The following ESRP1 variants were observed in gnomAD, a reference collection of about 807,000 sequenced individuals.
The protein encoded by ESRP1 is epithelial splicing regulatory protein 1.
A neutral mutation model predicts 81.7 loss-of-function variants in ESRP1; 33 were observed. That is an observed-to-expected ratio of 0.40 (90% CI 0.31 to 0.54). The LOEUF (loss-of-function observed/expected upper bound fraction) is 0.54, where lower values mean the gene tolerates loss of function less well. Among genes scored for constraint, ESRP1 ranks in the 20% least tolerant of loss-of-function variants. The pLI is 0.41. For synonymous variants in ESRP1, 320 were observed against 303.3 expected (o/e 1.06, Z -0.57); for missense variants, 672 against 833.1 (o/e 0.81, Z 2.38).
chr8:94,647,513 C>A (rs1231600684), intron 4 of ESRP1, among the ~76,000 whole-genome samples: 5 of 152,174 alleles, frequency 3.3e-5, no homozygotes, highest in Admixed American at 6.6e-5. Flanking sequence ...GGTGATGGCT[C>A]TTCCTGGCTT....
At chr8:94,696,427 T>C (rs1239193192) in intron 14 of ESRP1, among the ~76,000 whole-genome samples, 2 of 152,236 alleles carry the variant, frequency 1.3e-5, no homozygotes, top group Non-Finnish European at 2.9e-5. Context: ...TACAAATACA[T>C]CTAACACTAT....
intron 4 of ESRP1, among the ~76,000 whole-genome samples, chr8:94,660,355 C>T (rs138495549): frequency 3.9e-5 from 6 of 152,230 alleles, no homozygotes; most frequent in African/African-American, 1.4e-4. Flanking sequence ...TAATCCCAGC[C>T]CTTGGGCAGG....
intron 12 of ESRP1, among the ~76,000 whole-genome samples, chr8:94,676,645 G>A (rs1808649262): frequency 6.6e-6 from 1 of 151,762 alleles, no homozygotes; most frequent in Non-Finnish European, 1.5e-5. Flanking sequence ...GACTACAGGA[G>A]TGTGCCACCA....
At chr8:94,662,419 T>A (rs1003073319) in intron 5 of ESRP1, 49 bp downstream of exon 5, 2 of 1,533,152 alleles carry the variant, frequency 1.3e-6, no homozygotes, top group African/African-American at 2.7e-5. Context: ...ATACTATTTT[T>A]CTCTTACCTA....
chr8:94,672,852 C>T (rs1307919386), intron 11 of ESRP1, among the ~76,000 whole-genome samples: 1 of 152,220 alleles, frequency 6.6e-6, no homozygotes, highest in Non-Finnish European at 1.5e-5. Flanking sequence ...TAATTAAATG[C>T]AAAGCTGTAT....
intron 6 of ESRP1, among the ~76,000 whole-genome samples, chr8:94,663,607 T>C (rs1818868290): frequency 6.6e-6 from 1 of 152,148 alleles, no homozygotes; most frequent in South Asian, 2.1e-4. Context: ...TGGTGTCTGT[T>C]AGTGATCGCA....
At chr8:94,652,972 G>T (rs1401705919) in intron 4 of ESRP1, among the ~76,000 whole-genome samples, 1 of 152,144 alleles carries the variant, frequency 6.6e-6, no homozygotes, top group Non-Finnish European at 1.5e-5. Context: ...CCTCAAATAG[G>T]TTATCTCCCT....
chr8:94,690,634 G>A (rs949698970), intron 13 of ESRP1, among the ~76,000 whole-genome samples: 1 of 152,054 alleles, frequency 6.6e-6, no homozygotes, highest in Non-Finnish European at 1.5e-5. Flanking sequence ...TCATTTATAA[G>A]CTTAAATTTC....
intron 6 of ESRP1, 143 bp downstream of exon 6, chr8:94,662,698 C>T (rs908386218): frequency 1.5e-6 from 1 of 660,968 alleles, no homozygotes; most frequent in East Asian, 2.9e-5. Context: ...AGCTCCGCCT[C>T]CCGGGTTCAT....
At chr8:94,691,532 A>G (rs1809402264) in intron 13 of ESRP1, among the ~76,000 whole-genome samples, 1 of 152,196 alleles carries the variant, frequency 6.6e-6, no homozygotes. Context: ...TGAAACTAGG[A>G]AAGTGCTGAT....
At chr8:94,654,041 T>C (rs1482136375) in intron 4 of ESRP1, among the ~76,000 whole-genome samples, 2 of 152,150 alleles carry the variant, frequency 1.3e-5, no homozygotes, top group East Asian at 1.9e-4. Context: ...TATTTTGGCC[T>C]GGTACAGTGG....
chr8:94,703,698 T>C (rs1333283609), intron 15 of ESRP1, among the ~76,000 whole-genome samples: 1 of 152,174 alleles, frequency 6.6e-6, no homozygotes, highest in Non-Finnish European at 1.5e-5. Flanking sequence ...GGTTTGCTCA[T>C]CCAAACTCAC....
rs917515783 is a variant in ESRP1, at chr8:94,641,520, G to GA, written c.132+71dup. 1.9e-6 allele frequency: 3 copies of GA among 1,595,020 alleles called. No homozygotes were observed. The African/African-American group carries it at 4.0e-5, about 21-fold the overall frequency. On this transcript the variant is annotated intron_variant, in intron 1 of 15. Transcript: ENST00000433389. ...AGTTTGTGGTAGAGGTTTGGGCGGG[G>GA]AGGGGGGTGGAGGTAAGTAAATAAG... is the stretch of plus-strand genomic sequence containing the variant.
In ESRP1 at chr8:94,662,562, G is replaced by A; in HGVS notation, c.644+7G>A. 6.3e-7 allele frequency: 1 copy of A among 1,591,108 alleles called. No individual in the cohort carries two copies. Among genetic ancestry groups the A allele is most frequent in the Non-Finnish European group, 8.6e-7 (1 of 1,167,828 alleles). On this transcript the variant is annotated splice_region_variant and intron_variant, in intron 6 of 15. Coordinates refer to ENST00000433389, the MANE Select transcript of ESRP1 (RefSeq NM_017697.4). Reference sequence around the variant, plus strand: ...AGTTTGAAAGTGGAACTTGGTAAGTGCTTGAGTACTATTTATTTGAGCTTT... The same window carrying A: ...AGTTTGAAAGTGGAACTTGGTAAGTACTTGAGTACTATTTATTTGAGCTTT...
At chr8:94,651,987 C>CTTTTTTTTTTTTTTTTTT (rs35903773) in intron 4 of ESRP1, among the ~76,000 whole-genome samples, 1 of 65,212 alleles carries the variant, frequency 1.5e-5, no homozygotes, top group Non-Finnish European at 2.6e-5. Context: ...TCTAAAACGC[C>CTTTTTTTTTTTTTTTTTT]TTTTTTTTTT....
intron 12 of ESRP1, among the ~76,000 whole-genome samples, chr8:94,674,781 A>T (rs897757542): frequency 2.6e-5 from 4 of 152,234 alleles, no homozygotes; most frequent in Non-Finnish European, 4.4e-5. Flanking sequence ...GCTCCAGATA[A>T]GCACTGACTC....
At position 94,693,100 on chromosome 8, in the gene ESRP1, G is replaced by A. The variant is rs144520836; in HGVS notation, c.1971+273G>A. On this transcript the variant is annotated intron_variant, in intron 14 of 15. Coordinates refer to ENST00000433389, the MANE Select transcript of ESRP1 (RefSeq NM_017697.4). ...TTGAAAAGTGAGCTACTTTGGGAAA[G>A]CTCTTTAGGACATGCAGCAGTATGA... Among the ~76,000 whole-genome samples the A allele has an allele frequency of 3.9e-3, 594 of 152,284 alleles. 1 individual carries two copies. The highest frequency in any genetic ancestry group is 0.013 in the African/African-American group (554 of 41,562).
intron 13 of ESRP1, among the ~76,000 whole-genome samples, chr8:94,683,911 G>A (rs1019481884): frequency 5.3e-5 from 8 of 152,108 alleles, no homozygotes; most frequent in African/African-American, 1.7e-4. Context: ...TCAATGGCGC[G>A]ATCTCAGCTC....
chr8:94,656,864 T>C (rs998328748), intron 4 of ESRP1, among the ~76,000 whole-genome samples: 2 of 152,234 alleles, frequency 1.3e-5, no homozygotes, highest in Non-Finnish European at 2.9e-5. Context: ...TAAAAAGATA[T>C]TTACAAGTAA....
Sources: allele counts gnomAD v4.1 joint callset (sites outside exome capture counted in the v4.1 genomes callset), GRCh38; gene constraint gnomAD v4.1.1; transcripts MANE v1.5; gene names NCBI Gene and HGNC (gene_info 2026-07-23, HGNC 2026-07-21).